RICTOR: variants seen among roughly 807,000 people sequenced by gnomAD.
The protein encoded by RICTOR is rapamycin-insensitive companion of mTOR.
RICTOR carries 49 observed loss-of-function variants against 214.9 expected under a neutral mutation model. That is an observed-to-expected ratio of 0.23 (90% CI 0.18 to 0.29). The LOEUF (loss-of-function observed/expected upper bound fraction) is 0.29, where lower values mean the gene tolerates loss of function less well. Ranked by LOEUF, RICTOR falls within the 10% of genes least tolerant of loss-of-function variation. The pLI is 1.00. For missense variants in RICTOR, 1,625 were observed against 2,047.0 expected, an observed-to-expected ratio of 0.79 and a Z score of 3.98; for synonymous variants, 717 against 711.3, an observed-to-expected ratio of 1.01 and a Z score of -0.13.
intron 7 of RICTOR, among the ~76,000 whole-genome samples, chr5:38,990,666 GAT>G (rs1415721492): frequency 1.4e-4 from 4 of 29,046 alleles, no homozygotes; most frequent in African/African-American, 5.4e-4. Flanking sequence ...ATATATATCA[GAT>G]ATATATCAGA....
intron 3 of RICTOR, among the ~76,000 whole-genome samples, chr5:39,012,619 ATC>A (rs1193470095): frequency 6.6e-6 from 1 of 152,146 alleles, no homozygotes; most frequent in African/African-American, 2.4e-5. Flanking sequence ...TTGACATCCT[ATC>A]TCCTGTATTA....
Position 39,016,323 on chromosome 5 carries a change from G to T in RICTOR, c.195+4716C>A, listed in dbSNP as rs1246672889. On this transcript the variant is annotated intron_variant, in intron 3 of 37. Transcript: ENST00000357387. ...CAACGGAGAAAAGGAAGGAGAGGGG[G>T]AACAGAGAAGGGGGGAGAGGGAACT... 2.8e-5 allele frequency among the ~76,000 whole-genome samples: 4 copies of T among 144,110 alleles called. No individual in the cohort carries two copies. In the Admixed American group the frequency reaches 2.8e-4, roughly 10 times the overall value. 94.5% of individuals were successfully genotyped at this position (144,110 alleles called of 152,430 possible).
chr5:38,958,818 T>C lies in RICTOR; in HGVS notation c.2192A>G (p.Tyr731Cys). The C allele has an allele frequency of 1.3e-6, 2 of 1,594,950 alleles. No homozygotes were observed. The highest frequency in any genetic ancestry group is 1.7e-6 in the Non-Finnish European group (2 of 1,171,270). Residue 731 changes from tyrosine to cysteine, a missense_variant, in exon 23 of 38, where the codon TAT becomes TGT. Transcript: ENST00000357387. ...LTAATDACRL[Y>C]ATKHLRVLLR... Reference sequence around the variant, plus strand: ...TAATACCCTTAAATGTTTTGTTGCATAGAGTCTGCAGGCCTATAAGGATAA... The same window carrying C: ...TAATACCCTTAAATGTTTTGTTGCACAGAGTCTGCAGGCCTATAAGGATAA...
At chr5:38,958,913 G>T in intron 22 of RICTOR, 82 bp from the exon 23 acceptor site, 1 of 1,032,820 alleles carries the variant, frequency 9.7e-7, no homozygotes, top group Non-Finnish European at 1.3e-6. Flanking sequence ...GGATAGTCCT[G>T]CTACTTGAAA....
At chr5:39,055,389 C>T (rs1278985172) in intron 2 of RICTOR, among the ~76,000 whole-genome samples, 6 of 150,936 alleles carry the variant, frequency 4.0e-5, no homozygotes, top group Admixed American at 4.0e-4. Flanking sequence ...TTAAACACTA[C>T]TACTTAAGAG....
rs115987576 is a variant in RICTOR at position 38,944,032 on chromosome 5, C to G, written c.4913+414G>C. 5.5e-3 allele frequency among the ~76,000 whole-genome samples: 830 copies of G among 152,198 alleles called. 9 individuals are homozygous for G. The highest frequency in any genetic ancestry group is 0.019 in the African/African-American group (789 of 41,520). The stretch of plus-strand genomic sequence containing the variant: ...AAGCTTATTTTTGTGTGGGTTACAG[C>G]CACCATTAACTACTATATTAGAAAT... On this transcript the variant is annotated intron_variant, in intron 36 of 37. Transcript: ENST00000357387.
chr5:39,005,985 G>C (rs182344557), intron 3 of RICTOR, among the ~76,000 whole-genome samples: 1 of 152,288 alleles, frequency 6.6e-6, no homozygotes. Context: ...TCTCATCCCA[G>C]GTAGCCCCAG....
chr5:38,949,294 T>C, intron 31 of RICTOR: 1 of 1,074,832 alleles, frequency 9.3e-7, no homozygotes, highest in Non-Finnish European at 1.3e-6. Context: ...CACTGAAATT[T>C]TCATTTATCT....
intron 34 of RICTOR, chr5:38,945,284 C>T: frequency 1.6e-6 from 1 of 607,958 alleles, no homozygotes; most frequent in South Asian, 2.1e-5. Flanking sequence ...AAGACCTAAT[C>T]CAGGGATCTG....
At chr5:39,049,762 G>C (rs1580190567) in intron 2 of RICTOR, among the ~76,000 whole-genome samples, 1 of 152,210 alleles carries the variant, frequency 6.6e-6, no homozygotes, top group Non-Finnish European at 1.5e-5. Context: ...CAATGGAAGG[G>C]ATGAACAGCA....
chr5:38,952,109 C>T, intron 30 of RICTOR, 87 bp downstream of exon 30: 2 of 805,432 alleles, frequency 2.5e-6, no homozygotes, highest in Admixed American at 5.0e-5. Flanking sequence ...AAGCAAATTA[C>T]AAATGTAACA....
intron 2 of RICTOR, among the ~76,000 whole-genome samples, chr5:39,047,314 G>A (rs575311874): frequency 2.2e-4 from 34 of 152,200 alleles, no homozygotes; most frequent in Non-Finnish European, 4.4e-4. Flanking sequence ...TTCTCATAAG[G>A]AGGGCACGAC....
At position 38,982,133 on chromosome 5, in the gene RICTOR, A is replaced by G. The variant is rs567026233; in HGVS notation, c.584-97T>C. ...ACTTAATTGCCTTTCTGACTTGAAA[A>G]ACTTTCTAATACCAACATTTATAAG... On this transcript the variant is annotated intron_variant, in intron 7 of 37. Transcript: ENST00000357387. 9 of 824,366 alleles carry G rather than the reference A, an allele frequency of 1.1e-5. No homozygotes were observed. In the African/African-American group the frequency reaches 1.4e-4, roughly 13 times the overall value. The allele number at this position is 824,366 out of a possible 1,614,324, so 51.1% of individuals were successfully genotyped here.
intron 2 of RICTOR, among the ~76,000 whole-genome samples, chr5:39,051,577 A>G (rs1337301988): frequency 6.6e-6 from 1 of 152,120 alleles, no homozygotes; most frequent in Non-Finnish European, 1.5e-5. Flanking sequence ...GCGAAACCCC[A>G]TCTTTACTAA....
intron 2 of RICTOR, among the ~76,000 whole-genome samples, chr5:39,060,738 G>T (rs538709082): frequency 6.6e-6 from 1 of 152,042 alleles, no homozygotes; most frequent in East Asian, 1.9e-4. Context: ...TGGTTCCTGG[G>T]GGTTCCAAAT....
In RICTOR at chr5:38,984,850, C is replaced by T. The variant is rs147572122; in HGVS notation, c.584-2814G>A. Among the ~76,000 whole-genome samples the T allele has an allele frequency of 8.8e-3, 1,336 of 152,250 alleles. 8 individuals carry two copies. Among genetic ancestry groups the T allele is most frequent in the Non-Finnish European group, 0.013 (904 of 68,026 alleles). On this transcript the variant is annotated intron_variant, in intron 7 of 37. Transcript: ENST00000357387. ...GTGGTGGTGTTTTGATACAGACTCT[C>T]GCTCTATCACCCCAGCTGGAGTGCA...
intron 2 of RICTOR, among the ~76,000 whole-genome samples, chr5:39,044,965 TA>T (rs1757394982): frequency 6.6e-6 from 1 of 152,212 alleles, no homozygotes; most frequent in South Asian, 2.1e-4. Flanking sequence ...ACATGGTAGA[TA>T]ATTAGTGAAT....
Position 38,963,045 on chromosome 5 carries a change from A to G in RICTOR, c.1401-4T>C, listed in dbSNP as rs1403076565. ...GTTCAAGGCTGCACTGGCTCGCCTA[A>G]TGAGAAAAACAATTCAATCAATACA... On this transcript the variant is annotated splice_region_variant and splice_polypyrimidine_tract_variant and intron_variant, in intron 16 of 37. Transcript: ENST00000357387. The G allele has an allele frequency of 6.2e-7, 1 of 1,602,876 alleles. No individual in the cohort carries two copies. The highest frequency in any genetic ancestry group is 1.3e-5 in the African/African-American group (1 of 74,596).
chr5:38,962,890 T>C lies in RICTOR; in HGVS notation c.1552A>G (p.Ile518Val), dbSNP rs781203119. Residue 518 changes from isoleucine (I) to valine (V), a missense_variant, in exon 17 of 38, where the codon ATA (isoleucine) becomes GTA (valine). Transcript: ENST00000357387. Reference protein sequence around the residue: ...RDQYLRVQKDIFILKDTEEAL... With the variant: ...RDQYLRVQKDVFILKDTEEAL... Reference sequence around the variant, plus strand: ...CATGTCAGCACCTTAAGGATAAATATATCTTTCTGAACTCGGAGATACTGA... The same window carrying C: ...CATGTCAGCACCTTAAGGATAAATACATCTTTCTGAACTCGGAGATACTGA... The C allele has an allele frequency of 1.9e-6, 3 of 1,612,264 alleles. No homozygotes were observed. The highest frequency in any genetic ancestry group is 2.5e-6 in the Non-Finnish European group (3 of 1,178,500).
Sources: allele counts gnomAD v4.1 joint callset (sites outside exome capture counted in the v4.1 genomes callset), GRCh38; gene constraint gnomAD v4.1.1; transcripts MANE v1.5; gene names NCBI Gene and HGNC (gene_info 2026-07-23, HGNC 2026-07-21).